The following ANGPT1 variants were observed in gnomAD, a reference collection of about 807,000 sequenced individuals.
ANGPT1 encodes angiopoietin-1.
In ANGPT1, 17 loss-of-function variants were observed where a neutral mutation model predicts 62.2. That is an observed-to-expected ratio of 0.27 (90% confidence interval 0.19 to 0.41). ANGPT1 has a LOEUF of 0.41. Ranked by LOEUF, ANGPT1 falls within the 10% of genes least tolerant of loss-of-function variation. The pLI, the probability that ANGPT1 is intolerant of heterozygous loss-of-function variation, is 1.00. For missense variants in ANGPT1, 478 were observed against 594.9 expected (o/e 0.80, Z 2.04); for synonymous variants, 199 against 198.9 (o/e 1.00, Z 0.00).
chr8:107,323,453 A>G (rs936302981), intron 3 of ANGPT1, among the ~76,000 whole-genome samples: 4 of 152,168 alleles, frequency 2.6e-5, no homozygotes, highest in Non-Finnish European at 5.9e-5. Flanking sequence ...TCAATACTTA[A>G]ATTATAAAAT....
intron 4 of ANGPT1, among the ~76,000 whole-genome samples, chr8:107,320,961 G>A (rs1034161702): frequency 2.6e-5 from 4 of 152,092 alleles, no homozygotes; most frequent in Non-Finnish European, 5.9e-5. Flanking sequence ...ATAAGCCACA[G>A]CTTAATAACA....
chr8:107,268,558 GA>G (rs1286726083), intron 7 of ANGPT1, among the ~76,000 whole-genome samples: 2 of 150,908 alleles, frequency 1.3e-5, no homozygotes, highest in African/African-American at 4.9e-5. Context: ...TAGAATAAAG[GA>G]AAAAAAGGCC....
At chr8:107,455,213 T>G (rs949403897) in intron 1 of ANGPT1, among the ~76,000 whole-genome samples, 1 of 152,058 alleles carries the variant, frequency 6.6e-6, no homozygotes, top group Admixed American at 6.6e-5. Flanking sequence ...GTGATCTCCA[T>G]GTGAATAGCT....
At chr8:107,456,397 T>G (rs1012754712) in intron 1 of ANGPT1, among the ~76,000 whole-genome samples, 1 of 152,108 alleles carries the variant, frequency 6.6e-6, no homozygotes, top group Non-Finnish European at 1.5e-5. Flanking sequence ...TCAAAAGTCC[T>G]GTTCTAAAAA....
intron 1 of ANGPT1, among the ~76,000 whole-genome samples, chr8:107,461,997 A>G (rs184290148): frequency 2.6e-5 from 4 of 152,228 alleles, no homozygotes; most frequent in African/African-American, 7.2e-5. Flanking sequence ...AGCTTTATTC[A>G]TTGCTATTAT....
intron 8 of ANGPT1, among the ~76,000 whole-genome samples, chr8:107,263,180 C>A (rs1178940049): frequency 6.6e-6 from 1 of 151,540 alleles, no homozygotes; most frequent in Admixed American, 6.6e-5. Flanking sequence ...ATGGTGAAAC[C>A]CCGTCTTTAC....
At chr8:107,305,476 A>ATG (rs1283684185) in intron 4 of ANGPT1, among the ~76,000 whole-genome samples, 1 of 151,950 alleles carries the variant, frequency 6.6e-6, no homozygotes, top group African/African-American at 2.4e-5. Context: ...TGAAGTGGCT[A>ATG]TGTGTGGGAA....
chr8:107,428,763 A>G lies in ANGPT1; in HGVS notation c.297+68499T>C, dbSNP rs112361661. ...CAGCATCAGTAGCTAATTCACCTTTATGGGAATCCCATTTGTTATTTTGAC... is the reference window on the plus strand; with the variant it reads ...CAGCATCAGTAGCTAATTCACCTTTGTGGGAATCCCATTTGTTATTTTGAC... On this transcript the variant is annotated intron_variant, in intron 1 of 8. Transcript: ENST00000517746. 7.3e-3 allele frequency among the ~76,000 whole-genome samples: 1,104 copies of G among 152,234 alleles called. 20 individuals carry two copies. Among genetic ancestry groups the G allele is most frequent in the African/African-American group, 0.025 (1,055 of 41,536 alleles).
chr8:107,308,477 C>T (rs922041831), intron 4 of ANGPT1, among the ~76,000 whole-genome samples: 1 of 152,074 alleles, frequency 6.6e-6, no homozygotes, highest in African/African-American at 2.4e-5. Context: ...TTAAATACAG[C>T]ACCAAAGAGA....
rs151118725 is a variant in ANGPT1 at position 107,423,683 on chromosome 8, A to T, written c.297+73579T>A. The stretch of plus-strand genomic sequence containing the variant: ...ATTTGACCTAAGACATACATGTAAC[A>T]TTACCTAGCACACAGTACTCGAAAA... On this transcript the variant is annotated intron_variant, in intron 1 of 8. Coordinates refer to ENST00000517746, the MANE Select transcript of ANGPT1 (RefSeq NM_001146.5). Among the ~76,000 whole-genome samples the T allele has an allele frequency of 5.8e-3, 889 of 152,108 alleles. 10 individuals are homozygous for T. Among genetic ancestry groups the T allele is most frequent in the African/African-American group, 0.021 (859 of 41,506 alleles).
chr8:107,396,861 C>G (rs1816947269), intron 1 of ANGPT1, among the ~76,000 whole-genome samples: 1 of 151,926 alleles, frequency 6.6e-6, no homozygotes. Context: ...CCAATACTTA[C>G]AGTTTTATTT....
intron 1 of ANGPT1, among the ~76,000 whole-genome samples, chr8:107,435,315 A>G (rs13255500): frequency 0.12 from 18,224 of 152,262 alleles, 1,475 homozygotes; most frequent in East Asian, 0.44. Context: ...AAGGACTTTA[A>G]ATCTGCTAAA....
At chr8:107,293,770 A>C (rs1267624540) in intron 6 of ANGPT1, among the ~76,000 whole-genome samples, 166 bp downstream of exon 6, 1 of 152,220 alleles carries the variant, frequency 6.6e-6, no homozygotes, top group Non-Finnish European at 1.5e-5. Context: ...TCATTTACTG[A>C]AAGTGATTTA....
chr8:107,455,974 T>A (rs1246689584), intron 1 of ANGPT1, among the ~76,000 whole-genome samples: 1 of 152,030 alleles, frequency 6.6e-6, no homozygotes, highest in Non-Finnish European at 1.5e-5. Flanking sequence ...GTCAGAAAGT[T>A]GATCTTCATT....
intron 7 of ANGPT1, among the ~76,000 whole-genome samples, chr8:107,277,977 C>T (rs553638982): frequency 7.9e-5 from 12 of 151,704 alleles, no homozygotes; most frequent in East Asian, 7.8e-4. Context: ...GTGGTGATTT[C>T]GATATAGAAT....
At chr8:107,278,805 G>A (rs151335276) in intron 7 of ANGPT1, among the ~76,000 whole-genome samples, 34 of 152,326 alleles carry the variant, frequency 2.2e-4, no homozygotes, top group Admixed American at 7.2e-4. Flanking sequence ...ACTACAGCAA[G>A]GCAACAAATT....
At chr8:107,464,996 G>T (rs2130484740) in intron 1 of ANGPT1, among the ~76,000 whole-genome samples, 1 of 152,188 alleles carries the variant, frequency 6.6e-6, no homozygotes, top group East Asian at 1.9e-4. Context: ...ATTAAGAGAA[G>T]TGGCTGAAAA....
intron 4 of ANGPT1, among the ~76,000 whole-genome samples, chr8:107,304,577 G>T (rs1200523233): frequency 6.6e-6 from 1 of 151,418 alleles, no homozygotes; most frequent in African/African-American, 2.4e-5. Context: ...ACTTAATACT[G>T]GTTTCATACT....
intron 6 of ANGPT1, among the ~76,000 whole-genome samples, chr8:107,290,186 T>C (rs374124909): frequency 1.2e-4 from 18 of 152,130 alleles, no homozygotes; most frequent in African/African-American, 4.1e-4. Context: ...ATATAGTATA[T>C]ATTTGTAATT....
Sources: allele counts gnomAD v4.1 joint callset (sites outside exome capture counted in the v4.1 genomes callset), GRCh38; gene constraint gnomAD v4.1.1; transcripts MANE v1.5; gene names NCBI Gene and HGNC (gene_info 2026-07-23, HGNC 2026-07-21).